Variants in DIS3L2 observed in about 807,000 individuals in gnomAD.
DIS3L2 encodes the protein DIS3 like 3'-5' exoribonuclease 2, also known as DIS3-like exonuclease 2.
A neutral mutation model predicts 97.5 loss-of-function variants in DIS3L2; 34 were observed. The ratio of observed to expected loss-of-function variants is 0.35; its 90% CI spans 0.27 to 0.46. DIS3L2 has a LOEUF of 0.46. Ranked by LOEUF, DIS3L2 falls within the 20% of genes least tolerant of loss-of-function variation. The pLI, the probability that DIS3L2 is intolerant of heterozygous loss-of-function variation, is 1.00. For synonymous variants in DIS3L2, 435 were observed against 445.2 expected, an observed-to-expected ratio of 0.98 and a Z score of 0.29; for missense variants, 1,038 against 1,146.0, an observed-to-expected ratio of 0.91 and a Z score of 1.36.
chr2:232,164,041 A>G (rs1242141197), intron 9 of DIS3L2, among the ~76,000 whole-genome samples: 1 of 152,200 alleles, frequency 6.6e-6, no homozygotes, highest in Non-Finnish European at 1.5e-5. Flanking sequence ...TGGCCTGCAA[A>G]GCCAAAAGTA....
intron 1 of DIS3L2, among the ~76,000 whole-genome samples, chr2:232,003,233 CTT>C (rs773788062): frequency 1.3e-5 from 2 of 152,166 alleles, no homozygotes; most frequent in East Asian, 3.9e-4. Context: ...CCTGGGGTCT[CTT>C]TTTTCTCTGT....
chr2:232,161,903 G>A (rs1690664795), intron 8 of DIS3L2, among the ~76,000 whole-genome samples: 1 of 151,972 alleles, frequency 6.6e-6, no homozygotes, highest in African/African-American at 2.4e-5. Context: ...CTCCTGAGTA[G>A]CTGGGATTAT....
chr2:232,086,391 GTATA>G, intron 5 of DIS3L2, among the ~76,000 whole-genome samples: 1 of 142,556 alleles, frequency 7.0e-6, no homozygotes, highest in Non-Finnish European at 1.5e-5. Flanking sequence ...ATATGTATAT[GTATA>G]TGTGTATATA....
intron 6 of DIS3L2, among the ~76,000 whole-genome samples, chr2:232,125,232 G>C (rs1559653980): frequency 6.6e-6 from 1 of 152,244 alleles, no homozygotes; most frequent in African/African-American, 2.4e-5. Flanking sequence ...CTTGCCAGCA[G>C]TCATGAACAG....
rs923799723 is a variant in DIS3L2 at position 232,287,573 on chromosome 2, G to C, written c.1660-12467G>C. Among the ~76,000 whole-genome samples, 5 of 151,738 alleles carry C rather than the reference G, an allele frequency of 3.3e-5. No individual in the cohort carries two copies. In the East Asian group the frequency reaches 9.7e-4, roughly 29 times the overall value. On this transcript the variant is annotated intron_variant, in intron 13 of 20. Coordinates refer to ENST00000325385, the MANE Select transcript of DIS3L2 (RefSeq NM_152383.5). Reference sequence around the variant, plus strand: ...GCCTGTGCTGATTTTTAAATGTTTTGTAGAGACGGAGGTCTCGCTCTGTTG... The same window carrying C: ...GCCTGTGCTGATTTTTAAATGTTTTCTAGAGACGGAGGTCTCGCTCTGTTG...
intron 9 of DIS3L2, among the ~76,000 whole-genome samples, chr2:232,189,325 G>T (rs1691545472): frequency 1.3e-5 from 2 of 152,300 alleles, no homozygotes; most frequent in South Asian, 2.1e-4. Flanking sequence ...AAACAGCCCA[G>T]ATGTCCTTCA....
At chr2:232,030,976 A>C (rs1694789958) in intron 5 of DIS3L2, among the ~76,000 whole-genome samples, 1 of 152,140 alleles carries the variant, frequency 6.6e-6, no homozygotes, top group Non-Finnish European at 1.5e-5. Context: ...GTAGTGACTA[A>C]AAGTATGGGC....
downstream of DIS3L2, among the ~76,000 whole-genome samples, chr2:232,340,109 G>A (rs759699703): frequency 3.9e-5 from 6 of 152,180 alleles, no homozygotes; most frequent in African/African-American, 7.2e-5. Context: ...CGCTCCTGCT[G>A]TCACTCCCTC....
At chr2:232,240,398 G>C (rs1294033169) in intron 11 of DIS3L2, among the ~76,000 whole-genome samples, 1 of 151,234 alleles carries the variant, frequency 6.6e-6, no homozygotes, top group Non-Finnish European at 1.5e-5. Flanking sequence ...GAGTTGATCA[G>C]AGCCAGGAAA....
intron 1 of DIS3L2, among the ~76,000 whole-genome samples, chr2:231,976,710 G>A (rs895180516): frequency 1.3e-4 from 20 of 149,174 alleles, no homozygotes; most frequent in African/African-American, 4.5e-4. Flanking sequence ...TACCTTAAAT[G>A]TGTTCAGAAC....
At chr2:232,220,439 T>C (rs1692466699) in intron 10 of DIS3L2, among the ~76,000 whole-genome samples, 1 of 152,166 alleles carries the variant, frequency 6.6e-6, no homozygotes, top group South Asian at 2.1e-4. Flanking sequence ...CGGGGTGCGA[T>C]GGATCATGCC....
chr2:232,027,104 A>G (rs1156852435), intron 4 of DIS3L2, among the ~76,000 whole-genome samples: 1 of 152,160 alleles, frequency 6.6e-6, no homozygotes, highest in Non-Finnish European at 1.5e-5. Context: ...TTCCAGAAGC[A>G]TTATAGAAAG....
rs1693900620 is a variant in DIS3L2 at position 232,268,294 on chromosome 2, C to T, written c.1659+4854C>T. Among the ~76,000 whole-genome samples, 1 of 152,238 alleles carries T rather than the reference C, an allele frequency of 6.6e-6. No individual in the cohort carries two copies. Among genetic ancestry groups the T allele is most frequent in the African/African-American group, 2.4e-5 (1 of 41,450 alleles). On this transcript the variant is annotated intron_variant, in intron 13 of 20. Transcript: ENST00000325385. This position sits in a 1 kb window ranked among gnomAD's most constrained non-coding sequence, Gnocchi z 4.1. ...ACTTGGTGCAATTTTGAAACCCAAA[C>T]TGCAGGCAGTTTCTTTGAGTGGACT... is the stretch of plus-strand genomic sequence containing the variant.
chr2:232,286,632 G>T (rs749296223), intron 13 of DIS3L2, among the ~76,000 whole-genome samples: 6 of 152,140 alleles, frequency 3.9e-5, no homozygotes, highest in African/African-American at 1.4e-4. Context: ...TTGAGTTTCC[G>T]CTATAGCTAG....
chr2:232,013,050 A>T (rs576720433), intron 1 of DIS3L2, among the ~76,000 whole-genome samples: 45 of 152,280 alleles, frequency 3.0e-4, no homozygotes, highest in Admixed American at 1.5e-3. Flanking sequence ...TCCTACCTAG[A>T]AATCTCACAC....
intron 13 of DIS3L2, among the ~76,000 whole-genome samples, chr2:232,272,015 G>C (rs1374203524): frequency 6.6e-6 from 1 of 152,094 alleles, no homozygotes; most frequent in African/African-American, 2.4e-5. Flanking sequence ...ACTATTTCTG[G>C]CTTGTTCACG....
chr2:232,060,903 A>G (rs773083233), intron 5 of DIS3L2, among the ~76,000 whole-genome samples: 40 of 152,136 alleles, frequency 2.6e-4, no homozygotes, highest in Non-Finnish European at 5.4e-4. Context: ...AAGGTATTTA[A>G]TTTTATTTGT....
At chr2:232,232,086 T>C (rs1692807749) in intron 10 of DIS3L2, among the ~76,000 whole-genome samples, 1 of 152,138 alleles carries the variant, frequency 6.6e-6, no homozygotes, top group Non-Finnish European at 1.5e-5. Context: ...GGTGTAACTG[T>C]CATTTAAGGG....
At chr2:232,187,093 GAC>G in intron 9 of DIS3L2, among the ~76,000 whole-genome samples, 1 of 151,952 alleles carries the variant, frequency 6.6e-6, no homozygotes, top group Non-Finnish European at 1.5e-5. Context: ...CAATAAAAAA[GAC>G]AATTTTAAAA....
Sources: gnomAD v4.1 joint callset for allele counts (sites outside exome capture counted in the v4.1 genomes callset) on GRCh38, gnomAD v4.1.1 for gene constraint, Gnocchi (gnomAD v3.1) non-coding constraint, MANE v1.5 for transcripts, NCBI Gene and HGNC (gene_info 2026-07-23, HGNC 2026-07-21) for gene names.